OPCML: variants seen among roughly 807,000 people sequenced by gnomAD.
OPCML encodes the protein opioid-binding protein/cell adhesion molecule.
In OPCML, 13 loss-of-function variants were observed where a neutral mutation model predicts 37.8. The observed-to-expected ratio is 0.34, with a 90% CI of 0.22 to 0.55. The LOEUF is 0.55. Among genes scored for constraint, OPCML ranks in the 20% least tolerant of loss-of-function variants. OPCML has a pLI of 0.91. For missense variants in OPCML, 341 were observed against 435.6 expected (o/e 0.78, Z 1.93); for synonymous variants, 176 against 168.8 (o/e 1.04, Z -0.33).
At chr11:132,430,398 C>A (rs938310965) in intron 7 of OPCML, among the ~76,000 whole-genome samples, 1 of 152,164 alleles carries the variant, frequency 6.6e-6, no homozygotes, top group African/African-American at 2.4e-5. Context: ...AGAGCCGCTG[C>A]CTGGTGCAGG....
At chr11:132,766,732 G>A (rs932623585) in intron 2 of OPCML, among the ~76,000 whole-genome samples, 1 of 151,864 alleles carries the variant, frequency 6.6e-6, no homozygotes, top group Non-Finnish European at 1.5e-5. Flanking sequence ...CTTGACAGAA[G>A]AAGGCTAAAA....
chr11:133,021,797 G>A (rs1190230395), intron 1 of OPCML, among the ~76,000 whole-genome samples: 1 of 25,466 alleles, frequency 3.9e-5, no homozygotes, highest in Non-Finnish European at 6.3e-5. Flanking sequence ...AGTGAGCACA[G>A]CAAATTAGCA....
intron 1 of OPCML, among the ~76,000 whole-genome samples, chr11:133,385,628 A>G (rs939872422): frequency 1.3e-5 from 2 of 151,848 alleles, no homozygotes; most frequent in African/African-American, 4.8e-5. Context: ...CTAATACTCA[A>G]GACAATGCCA....
chr11:132,720,937 A>G (rs1410805920), intron 2 of OPCML, among the ~76,000 whole-genome samples: 2 of 152,148 alleles, frequency 1.3e-5, no homozygotes, highest in East Asian at 3.9e-4. Flanking sequence ...ATTACAACTT[A>G]TAATTCTGGA....
chr11:133,249,584 G>A (rs1379748742), intron 1 of OPCML, among the ~76,000 whole-genome samples: 1 of 152,150 alleles, frequency 6.6e-6, no homozygotes, highest in African/African-American at 2.4e-5. Context: ...TTTTACGACA[G>A]GGTTGAGACA....
chr11:132,960,148 G>T (rs560007838), intron 1 of OPCML, among the ~76,000 whole-genome samples: 1 of 152,256 alleles, frequency 6.6e-6, no homozygotes, highest in South Asian at 2.1e-4. Flanking sequence ...AATGTACTGC[G>T]TGCACGCAGC....
intron 1 of OPCML, among the ~76,000 whole-genome samples, chr11:133,103,247 TCTA>T (rs1949111817): frequency 6.6e-6 from 1 of 152,212 alleles, no homozygotes; most frequent in Admixed American, 6.5e-5. Flanking sequence ...CCTTTACACG[TCTA>T]CTAGTTTCCA....
At chr11:133,306,978 A>G (rs544398195) in intron 1 of OPCML, among the ~76,000 whole-genome samples, 1 of 152,260 alleles carries the variant, frequency 6.6e-6, no homozygotes, top group East Asian at 1.9e-4. Flanking sequence ...ACCCTGTACC[A>G]CGAATGTAGT....
intron 1 of OPCML, among the ~76,000 whole-genome samples, chr11:133,089,164 G>C (rs1948865698): frequency 1.3e-5 from 2 of 152,194 alleles, no homozygotes; most frequent in African/African-American, 4.8e-5. Flanking sequence ...AATAGTAAGT[G>C]AGCAGAACCA....
At chr11:133,280,750 G>A (rs919784351) in intron 1 of OPCML, among the ~76,000 whole-genome samples, 4 of 152,102 alleles carry the variant, frequency 2.6e-5, no homozygotes, top group Admixed American at 6.5e-5. Context: ...AAAACAATGA[G>A]GCCTCTTAGA....
intron 1 of OPCML, among the ~76,000 whole-genome samples, chr11:133,148,444 C>G (rs1013179876): frequency 3.9e-5 from 6 of 152,238 alleles, no homozygotes. Context: ...TGGCTCCAAC[C>G]TCTCTGAAAC....
intron 3 of OPCML, among the ~76,000 whole-genome samples, chr11:132,604,057 G>GGAAT (rs1011043584): frequency 3.9e-5 from 6 of 152,060 alleles, no homozygotes; most frequent in Non-Finnish European, 7.4e-5. Context: ...CTCTGTGCCT[G>GGAAT]GAATACTTGT....
intron 2 of OPCML, among the ~76,000 whole-genome samples, chr11:132,781,986 GAGA>G (rs201001975): frequency 0.021 from 2,901 of 140,344 alleles, 39 homozygotes; most frequent in Middle Eastern, 0.045. Flanking sequence ...GAGAGAGAGA[GAGA>G]AGGAGCAGCC....
At chr11:132,816,295 T>C (rs917282273) in intron 2 of OPCML, among the ~76,000 whole-genome samples, 5 of 152,162 alleles carry the variant, frequency 3.3e-5, no homozygotes, top group South Asian at 2.1e-4. Context: ...TAATAAATCC[T>C]TTGGCTTTGA....
intron 1 of OPCML, among the ~76,000 whole-genome samples, chr11:133,321,434 T>C (rs1394708870): frequency 2.6e-5 from 4 of 152,200 alleles, no homozygotes; most frequent in Non-Finnish European, 5.9e-5. Context: ...ATTCAAAAGA[T>C]AGATCGTATC....
intron 1 of OPCML, among the ~76,000 whole-genome samples, chr11:133,285,812 T>C (rs543560803): frequency 6.6e-6 from 1 of 152,324 alleles, no homozygotes; most frequent in South Asian, 2.1e-4. Context: ...ATTGGTATGC[T>C]GAGTTCCCAC....
At chr11:132,765,198 G>A (rs911493769) in intron 2 of OPCML, among the ~76,000 whole-genome samples, 12 of 152,168 alleles carry the variant, frequency 7.9e-5, no homozygotes, top group Non-Finnish European at 1.8e-4. Context: ...AGTCCTTACT[G>A]GACTTTGACC....
chr11:133,192,139 G>GTTCGT (rs1938349869), intron 1 of OPCML, among the ~76,000 whole-genome samples: 1 of 152,198 alleles, frequency 6.6e-6, no homozygotes, highest in Non-Finnish European at 1.5e-5. Flanking sequence ...GCATTGAATT[G>GTTCGT]TAAGTGCTTG....
At chr11:132,996,079 C>T (rs551817649) in intron 1 of OPCML, among the ~76,000 whole-genome samples, 40 of 152,216 alleles carry the variant, frequency 2.6e-4, no homozygotes, top group South Asian at 4.2e-4. Flanking sequence ...CTAGGGAGCA[C>T]GCAAGTCCCT....
Sources: gnomAD v4.1 joint callset for allele counts (sites outside exome capture counted in the v4.1 genomes callset) on GRCh38, gnomAD v4.1.1 for gene constraint, MANE v1.5 for transcripts, NCBI Gene and HGNC (gene_info 2026-07-23, HGNC 2026-07-21) for gene names.